The following SGCZ variants were observed in gnomAD, a reference collection of about 807,000 sequenced individuals.
The protein encoded by SGCZ is zeta-sarcoglycan.
In SGCZ, 40 loss-of-function variants were observed where a neutral mutation model predicts 41.3. That is an observed-to-expected ratio of 0.97 (90% CI 0.75 to 1.26). The LOEUF is 1.26. Ranked by LOEUF, SGCZ falls within the 50% of genes most tolerant of loss-of-function variation. The pLI is 0.00. For synonymous variants in SGCZ, 206 were observed against 137.5 expected (o/e 1.50, Z -3.49); for missense variants, 552 against 369.8 (o/e 1.49, Z -4.04).
At chr8:15,113,132 C>T (rs1479053015) in intron 1 of SGCZ, among the ~76,000 whole-genome samples, 2 of 151,212 alleles carry the variant, frequency 1.3e-5, no homozygotes, top group African/African-American at 4.9e-5. Context: ...GCGCTTGAGT[C>T]CAGGAGGTCG....
intron 2 of SGCZ, among the ~76,000 whole-genome samples, chr8:14,469,083 T>A (rs1331769687): frequency 1.3e-5 from 2 of 152,108 alleles, no homozygotes; most frequent in Non-Finnish European, 2.9e-5. Context: ...TATTTCAAAA[T>A]GAAAATCCAG....
At chr8:14,158,455 A>T (rs2116969956) in intron 5 of SGCZ, among the ~76,000 whole-genome samples, 1 of 152,162 alleles carries the variant, frequency 6.6e-6, no homozygotes, top group Non-Finnish European at 1.5e-5. Context: ...ACCTAGATTG[A>T]GGGTTAGTCT....
intron 1 of SGCZ, among the ~76,000 whole-genome samples, chr8:14,996,114 A>G (rs2130903201): frequency 6.6e-6 from 1 of 152,246 alleles, no homozygotes. Flanking sequence ...CATGTTAGCC[A>G]GGATGGTCTG....
At chr8:14,503,245 A>G (rs1288274630) in intron 2 of SGCZ, among the ~76,000 whole-genome samples, 1 of 152,098 alleles carries the variant, frequency 6.6e-6, no homozygotes, top group African/African-American at 2.4e-5. Context: ...GAGCTGAACA[A>G]TGAGAACATA....
intron 3 of SGCZ, among the ~76,000 whole-genome samples, chr8:14,321,247 T>G (rs1008438811): frequency 1.3e-5 from 2 of 152,080 alleles, no homozygotes; most frequent in African/African-American, 4.8e-5. Flanking sequence ...TTCTAAGATA[T>G]TTCCTGGATA....
intron 2 of SGCZ, among the ~76,000 whole-genome samples, chr8:14,421,194 CATA>C (rs575714723): frequency 3.2e-4 from 48 of 152,152 alleles, no homozygotes; most frequent in Non-Finnish European, 6.2e-4. Context: ...GGAATTGTAT[CATA>C]AATACCAAAA....
intron 3 of SGCZ, among the ~76,000 whole-genome samples, chr8:14,291,110 T>C (rs1800826188): frequency 6.6e-6 from 1 of 152,058 alleles, no homozygotes; most frequent in Non-Finnish European, 1.5e-5. Flanking sequence ...GTGTGGAATC[T>C]AAAAAGTTTT....
chr8:14,386,511 C>T (rs995799283), intron 2 of SGCZ, among the ~76,000 whole-genome samples: 1 of 152,150 alleles, frequency 6.6e-6, no homozygotes, highest in Non-Finnish European at 1.5e-5. Flanking sequence ...CAGCAGTTCA[C>T]ATTTTCTTTC....
At chr8:15,119,845 T>A (rs1807412034) in intron 1 of SGCZ, among the ~76,000 whole-genome samples, 1 of 152,214 alleles carries the variant, frequency 6.6e-6, no homozygotes, top group Non-Finnish European at 1.5e-5. Context: ...AGTCTCGCTC[T>A]GTTGACCAGG....
intron 1 of SGCZ, among the ~76,000 whole-genome samples, chr8:14,692,541 C>A (rs906514207): frequency 6.6e-6 from 1 of 152,050 alleles, no homozygotes. Context: ...TGTACACATT[C>A]AGTGTATTGT....
intron 1 of SGCZ, among the ~76,000 whole-genome samples, chr8:15,135,501 A>G (rs1808067824): frequency 6.6e-6 from 1 of 152,236 alleles, no homozygotes; most frequent in Non-Finnish European, 1.5e-5. Flanking sequence ...TAAAATGTGT[A>G]GAAATCTCTA....
At chr8:14,896,090 A>G (rs1029375032) in intron 1 of SGCZ, among the ~76,000 whole-genome samples, 5 of 152,224 alleles carry the variant, frequency 3.3e-5, no homozygotes, top group African/African-American at 1.2e-4. Flanking sequence ...CATTAAAATC[A>G]ACTAGTTTTC....
intron 1 of SGCZ, among the ~76,000 whole-genome samples, chr8:14,871,331 T>A (rs1357872091): frequency 6.6e-6 from 1 of 152,150 alleles, no homozygotes; most frequent in East Asian, 1.9e-4. Flanking sequence ...GTTTTGTGAC[T>A]CCTCAAGGAT....
intron 1 of SGCZ, among the ~76,000 whole-genome samples, chr8:15,184,412 C>T (rs1174022780): frequency 6.6e-6 from 1 of 152,136 alleles, no homozygotes; most frequent in African/African-American, 2.4e-5. Flanking sequence ...ATAGAAAAGG[C>T]TGCCTAATTT....
At chr8:14,456,100 C>T (rs1163792639) in intron 2 of SGCZ, among the ~76,000 whole-genome samples, 1 of 152,142 alleles carries the variant, frequency 6.6e-6, no homozygotes, top group Non-Finnish European at 1.5e-5. Context: ...CCAAAACCTA[C>T]TGAATTGTAT....
chr8:15,042,196 A>G (rs1045900476), intron 1 of SGCZ, among the ~76,000 whole-genome samples: 23 of 152,172 alleles, frequency 1.5e-4, no homozygotes, highest in Admixed American at 2.6e-4. Flanking sequence ...TTACCTACAG[A>G]AAAGTCAACC....
At chr8:15,233,459 CTT>C (rs1802022988) in intron 1 of SGCZ, among the ~76,000 whole-genome samples, 1 of 151,350 alleles carries the variant, frequency 6.6e-6, no homozygotes, top group Non-Finnish European at 1.5e-5. Context: ...TAATCAATCT[CTT>C]GTTTAAATAC....
At chr8:14,159,878 G>T (rs1269939516) in intron 5 of SGCZ, among the ~76,000 whole-genome samples, 1 of 152,124 alleles carries the variant, frequency 6.6e-6, no homozygotes, top group Non-Finnish European at 1.5e-5. Flanking sequence ...CAAACCAGAA[G>T]ATATTGATTG....
chr8:14,890,159 G>T (rs1482958189), intron 1 of SGCZ, among the ~76,000 whole-genome samples: 2 of 151,892 alleles, frequency 1.3e-5, no homozygotes, highest in African/African-American at 4.8e-5. Context: ...GGAAGTTGCA[G>T]TGAGCAGAGA....
Sources: allele counts gnomAD v4.1 joint callset (sites outside exome capture counted in the v4.1 genomes callset), GRCh38; gene constraint gnomAD v4.1.1; transcripts MANE v1.5; gene names NCBI Gene and HGNC (gene_info 2026-07-23, HGNC 2026-07-21).